Variants in DNAJC24 observed in about 807,000 individuals in gnomAD.
The protein encoded by DNAJC24 is DnaJ heat shock protein family (Hsp40) member C24, also known as dnaJ homolog subfamily C member 24.
DNAJC24 carries 17 observed loss-of-function variants against 18.0 expected under a neutral mutation model. That is an observed-to-expected ratio of 0.94 (90% CI 0.65 to 1.42). The LOEUF (loss-of-function observed/expected upper bound fraction) is 1.42. Ranked by LOEUF, DNAJC24 falls within the 40% of genes most tolerant of loss-of-function variation. The pLI is 0.00. For synonymous variants in DNAJC24, 55 were observed against 57.7 expected (o/e 0.95, Z 0.21); for missense variants, 158 against 175.6 (o/e 0.90, Z 0.57).
At position 31,432,274 on chromosome 11, in the gene DNAJC24, T is replaced by C; in HGVS notation, c.*1873T>C. The C allele has an allele frequency of 2.1e-6, 1 of 470,358 alleles. No homozygotes were observed. The highest frequency in any genetic ancestry group is 3.8e-6 in the Non-Finnish European group (1 of 261,050). The allele number at this position is 470,358 out of a possible 1,614,324, so 29.1% of individuals were successfully genotyped here. A position where few individuals can be genotyped will look rare whatever the true frequency, so the allele number is the denominator to read the frequency against. The stretch of plus-strand genomic sequence containing the variant: ...CATCCAGGTTCCCCCTCCCACAATA[T>C]TTTTGTATCATAAAATTTAGATGAC... On this transcript the variant is annotated 3_prime_UTR_variant, in exon 5 of 5. Transcript: ENST00000465995.
chr11:31,418,037 C>T (rs903464257), intron 3 of DNAJC24, among the ~76,000 whole-genome samples: 1 of 151,914 alleles, frequency 6.6e-6, no homozygotes, highest in Non-Finnish European at 1.5e-5. Context: ...GTTGGCCAGG[C>T]TGAAGAAAAG....
chr11:31,398,130 C>T (rs1591909301), intron 2 of DNAJC24, among the ~76,000 whole-genome samples: 1 of 152,120 alleles, frequency 6.6e-6, no homozygotes, highest in African/African-American at 2.4e-5. Flanking sequence ...TCCTAAGAAG[C>T]CTACTTAGGC....
chr11:31,398,368 C>A (rs926862791), intron 2 of DNAJC24, among the ~76,000 whole-genome samples: 1 of 152,020 alleles, frequency 6.6e-6, no homozygotes, highest in Non-Finnish European at 1.5e-5. Context: ...ATTTTGAACA[C>A]CTATATATGA....
intron 3 of DNAJC24, among the ~76,000 whole-genome samples, chr11:31,423,306 G>A (rs1952827232): frequency 6.6e-6 from 1 of 152,138 alleles, no homozygotes; most frequent in East Asian, 1.9e-4. Context: ...TGTCACCCAG[G>A]CTGGAGTGCA....
At chr11:31,398,999 A>G (rs1952571982) in intron 2 of DNAJC24, among the ~76,000 whole-genome samples, 1 of 152,192 alleles carries the variant, frequency 6.6e-6, no homozygotes, top group Non-Finnish European at 1.5e-5. Context: ...ATTGGAGGTA[A>G]AGGGTTGATA....
At chr11:31,393,986 T>C (rs958707342) in intron 2 of DNAJC24, among the ~76,000 whole-genome samples, 3 of 152,144 alleles carry the variant, frequency 2.0e-5, no homozygotes, top group Admixed American at 6.5e-5. Flanking sequence ...AAGACCTTGT[T>C]TTATGTTTGT....
At chr11:31,407,696 A>T (rs1489552574) in intron 2 of DNAJC24, among the ~76,000 whole-genome samples, 5 of 119,010 alleles carry the variant, frequency 4.2e-5, no homozygotes, top group African/African-American at 1.6e-4. Context: ...AAAAAAAAAA[A>T]AAAAAAAAAA....
chr11:31,419,305 G>A (rs908326782), intron 3 of DNAJC24, among the ~76,000 whole-genome samples: 3 of 152,090 alleles, frequency 2.0e-5, no homozygotes, highest in Admixed American at 6.6e-5. Flanking sequence ...AGAAAAGTAA[G>A]TATGTGAAAT....
intron 2 of DNAJC24, among the ~76,000 whole-genome samples, chr11:31,408,490 T>C (rs1316771164): frequency 6.6e-6 from 1 of 152,228 alleles, no homozygotes; most frequent in Admixed American, 6.5e-5. Flanking sequence ...AGAGAGACTT[T>C]AAAATCAAAA....
chr11:31,371,722 T>C (rs1215533641), intron 2 of DNAJC24, among the ~76,000 whole-genome samples: 1 of 152,130 alleles, frequency 6.6e-6, no homozygotes, highest in Non-Finnish European at 1.5e-5. Flanking sequence ...TTTACTTTTT[T>C]AACATTGCAT....
intron 2 of DNAJC24, among the ~76,000 whole-genome samples, chr11:31,395,844 T>C (rs1952538885): frequency 6.6e-6 from 1 of 152,230 alleles, no homozygotes; most frequent in Non-Finnish European, 1.5e-5. Flanking sequence ...ATAACTTTTC[T>C]GGGATCACAA....
chr11:31,399,799 T>C (rs1382771107), intron 2 of DNAJC24, among the ~76,000 whole-genome samples: 1 of 150,824 alleles, frequency 6.6e-6, no homozygotes, highest in Non-Finnish European at 1.5e-5. Flanking sequence ...AATGTGCAGG[T>C]TTGTTACATA....
At chr11:31,425,887 A>G (rs1008294604) in intron 3 of DNAJC24, among the ~76,000 whole-genome samples, 1 of 152,332 alleles carries the variant, frequency 6.6e-6, no homozygotes, top group African/African-American at 2.4e-5. Context: ...AGGTTCAGAT[A>G]GTTATTTTTA....
intron 4 of DNAJC24, chr11:31,426,673 T>C (rs1952865458): frequency 5.1e-6 from 1 of 196,732 alleles, no homozygotes; most frequent in African/African-American, 2.3e-5. Flanking sequence ...TATTGTAGTA[T>C]GGTAAATAAT....
chr11:31,417,453 T>C (rs1952760864), intron 3 of DNAJC24: 1 of 152,094 alleles, frequency 6.6e-6, no homozygotes, highest in African/African-American at 2.4e-5. Context: ...TTAGGTTTGC[T>C]AGAAGGAAAA....
chr11:31,393,891 A>G (rs1952521043), intron 2 of DNAJC24, among the ~76,000 whole-genome samples: 1 of 152,138 alleles, frequency 6.6e-6, no homozygotes, highest in African/African-American at 2.4e-5. Context: ...GAATTAGCAA[A>G]TACTGAAACA....
intron 4 of DNAJC24, among the ~76,000 whole-genome samples, chr11:31,429,227 A>T (rs1952894448): frequency 7.6e-6 from 1 of 132,250 alleles, no homozygotes; most frequent in Non-Finnish European, 1.6e-5. Flanking sequence ...TTACTGATTA[A>T]AAAAAAAAAA....
chr11:31,423,230 C>T (rs1165911681), intron 3 of DNAJC24, among the ~76,000 whole-genome samples: 1 of 152,138 alleles, frequency 6.6e-6, no homozygotes, highest in Non-Finnish European at 1.5e-5. Flanking sequence ...ACAGTAAACA[C>T]ACCCATTTAA....
At chr11:31,410,387 T>G (rs1031539175) in intron 2 of DNAJC24, among the ~76,000 whole-genome samples, 1 of 152,200 alleles carries the variant, frequency 6.6e-6, no homozygotes, top group Non-Finnish European at 1.5e-5. Flanking sequence ...AGTTTTGTCT[T>G]TTTATCATTG....
Sources: allele counts gnomAD v4.1 joint callset (sites outside exome capture counted in the v4.1 genomes callset), GRCh38; gene constraint gnomAD v4.1.1; transcripts MANE v1.5; gene names NCBI Gene and HGNC (gene_info 2026-07-23, HGNC 2026-07-21).